The following ITIH5 variants were observed in gnomAD, a reference collection of about 807,000 sequenced individuals.
The protein encoded by ITIH5 is inter-alpha-trypsin inhibitor heavy chain H5.
Under a neutral mutation model 77.5 loss-of-function variants are expected in ITIH5, and 65 were observed. The observed-to-expected ratio is 0.84, with a 90% CI of 0.69 to 1.03. The LOEUF is 1.03. Ranked by LOEUF, ITIH5 falls within the 50% of genes least tolerant of loss-of-function variation. The pLI is 0.00. For missense variants in ITIH5, 1,208 were observed against 1,213.1 expected (o/e 1.00, Z 0.06); for synonymous variants, 525 against 494.3 (o/e 1.06, Z -0.82).
rs192510413 is a variant in ITIH5, at chr10:7,564,280, T to C, written c.2528-896A>G. On this transcript the variant is annotated intron_variant, in intron 13 of 13. Coordinates refer to ENST00000397146, the MANE Select transcript of ITIH5 (RefSeq NM_030569.7). Reference sequence around the variant, plus strand: ...AGCCCAGGAAGGAATCTAATTTTCATATTACATATGTAGTAATCTAATGTT... The same window carrying C: ...AGCCCAGGAAGGAATCTAATTTTCACATTACATATGTAGTAATCTAATGTT... Among the ~76,000 whole-genome samples, 33 of 152,380 alleles carry C rather than the reference T, an allele frequency of 2.2e-4. No individual in the cohort carries two copies. In the East Asian group the frequency reaches 6.2e-3, roughly 28 times the overall value.
At chr10:7,655,275 A>T (rs567497187) in intron 2 of ITIH5, among the ~76,000 whole-genome samples, 2 of 152,144 alleles carry the variant, frequency 1.3e-5, no homozygotes, top group Admixed American at 6.5e-5. Context: ...TAGTCTACAA[A>T]TGTCAATTCT....
chr10:7,573,280 C>G lies in ITIH5; in HGVS notation c.1979-85G>C, dbSNP rs140044380. ...TGCAAAGGGAGAGAGGAGACATGAG[C>G]AAAACACAGCTTTTAGGTACGTTTG... On this transcript the variant is annotated intron_variant, in intron 10 of 13. Transcript: ENST00000397146. 219 of 1,087,550 alleles carry G rather than the reference C, an allele frequency of 2.0e-4. 1 individual carries two copies. The African/African-American group carries it at 3.1e-3, about 16-fold the overall frequency. The allele number at this position is 1,087,550 out of a possible 1,614,324, so 67.4% of individuals were successfully genotyped here.
At chr10:7,592,395 G>A (rs1190950129) in intron 7 of ITIH5, among the ~76,000 whole-genome samples, 1 of 151,128 alleles carries the variant, frequency 6.6e-6, no homozygotes, top group African/African-American at 2.4e-5. Context: ...GTAAATATCT[G>A]CTGTATTATT....
intron 7 of ITIH5, among the ~76,000 whole-genome samples, chr10:7,586,402 T>C (rs1185405087): frequency 1.3e-5 from 2 of 152,180 alleles, no homozygotes; most frequent in Non-Finnish European, 2.9e-5. Context: ...GACAAGCCCC[T>C]CATCATTCTT....
At chr10:7,632,203 C>T (rs1352247280) in intron 5 of ITIH5, among the ~76,000 whole-genome samples, 3 of 152,164 alleles carry the variant, frequency 2.0e-5, no homozygotes, top group South Asian at 2.1e-4. Flanking sequence ...TCAACCTTTA[C>T]TGAGCATCTG....
intron 5 of ITIH5, among the ~76,000 whole-genome samples, chr10:7,634,204 G>A (rs112872501): frequency 2.6e-5 from 4 of 151,994 alleles, no homozygotes; most frequent in African/African-American, 7.3e-5. Flanking sequence ...ATCTATCAGC[G>A]GAATGTATTG....
intron 13 of ITIH5, 97 bp from the exon 14 acceptor site, chr10:7,563,481 C>G (rs1397492572): frequency 1.8e-6 from 2 of 1,116,106 alleles, no homozygotes; most frequent in Non-Finnish European, 2.6e-6. Context: ...AGGCTTACAA[C>G]TGGCCACAGC....
intron 5 of ITIH5, among the ~76,000 whole-genome samples, chr10:7,628,748 T>C (rs113967004): frequency 3.9e-5 from 5 of 127,340 alleles, no homozygotes; most frequent in African/African-American, 1.5e-4. Context: ...CGTGTGTCCA[T>C]GTTGCAGCGT....
intron 7 of ITIH5, among the ~76,000 whole-genome samples, chr10:7,590,886 A>C (rs1158784528): frequency 2.6e-5 from 4 of 152,118 alleles, no homozygotes; most frequent in Non-Finnish European, 5.9e-5. Context: ...CCTCAGCATA[A>C]AGTCTAATGT....
At chr10:7,580,611 T>G (rs1039420801) in intron 8 of ITIH5, among the ~76,000 whole-genome samples, 3 of 152,216 alleles carry the variant, frequency 2.0e-5, no homozygotes, top group African/African-American at 7.2e-5. Flanking sequence ...TACCTGAGCT[T>G]CAATGGCTTC....
At chr10:7,597,044 C>CAAAAAAAATAAAAAA (rs1832914654) in intron 7 of ITIH5, among the ~76,000 whole-genome samples, 1 of 36,920 alleles carries the variant, frequency 2.7e-5, no homozygotes, top group African/African-American at 6.5e-5. Context: ...GTCTCCAACT[C>CAAAAAAAATAAAAAA]AAAAAAAAAA....
At chr10:7,644,360 T>G (rs189165307) in intron 2 of ITIH5, among the ~76,000 whole-genome samples, 2 of 144,594 alleles carry the variant, frequency 1.4e-5, no homozygotes, top group Admixed American at 6.9e-5. Context: ...ATATATATCA[T>G]ATATATCACA....
chr10:7,604,186 G>A (rs1833076231), intron 7 of ITIH5, among the ~76,000 whole-genome samples: 3 of 152,176 alleles, frequency 2.0e-5, no homozygotes, highest in African/African-American at 7.2e-5. Context: ...TGGTTATAAG[G>A]GAAGTCTTCC....
At chr10:7,664,399 C>CAA (rs35992152) in intron 1 of ITIH5, among the ~76,000 whole-genome samples, 33,171 of 118,428 alleles carry the variant, frequency 0.28, 3,976 homozygotes, top group Middle Eastern at 0.31. Flanking sequence ...GATTCCGTCT[C>CAA]AAAAAAAAAA....
Position 7,666,898 on chromosome 10 carries a change from G to C in ITIH5, c.-6C>G. 1 of 1,587,036 alleles carries C rather than the reference G, an allele frequency of 6.3e-7. No individual in the cohort carries two copies. The highest frequency in any genetic ancestry group is 8.5e-7 in the Non-Finnish European group (1 of 1,169,596). On this transcript the variant is annotated 5_prime_UTR_variant, in exon 1 of 14. Transcript: ENST00000397146. ...AGCCCCAGCAGCAGGAGCATGGCGGGGCGAGGGCGCGGGACGCTCGGGGAC... is the reference window on the plus strand; with the variant it reads ...AGCCCCAGCAGCAGGAGCATGGCGGCGCGAGGGCGCGGGACGCTCGGGGAC...
In ITIH5 at chr10:7,577,603, C is replaced by G. The variant is rs542189515; in HGVS notation, c.1419-591G>C. On this transcript the variant is annotated intron_variant, in intron 9 of 13. Transcript: ENST00000397146. Reference sequence around the variant, plus strand: ...CATTCTACTTCAGAAACCTGACTTTCGTGAGTTTGTGCGTATAACATTTGC... The same window carrying G: ...CATTCTACTTCAGAAACCTGACTTTGGTGAGTTTGTGCGTATAACATTTGC... Among the ~76,000 whole-genome samples the G allele has an allele frequency of 2.6e-5, 4 of 152,340 alleles. No individual in the cohort carries two copies. The South Asian group carries it at 8.3e-4, about 32-fold the overall frequency.
intron 5 of ITIH5, among the ~76,000 whole-genome samples, chr10:7,630,970 G>A (rs1188617138): frequency 6.6e-6 from 1 of 151,254 alleles, no homozygotes; most frequent in African/African-American, 2.4e-5. Flanking sequence ...CTTCAGTTTT[G>A]ATAGAGATGA....
At chr10:7,565,986 ACT>A (rs1832146044) in intron 13 of ITIH5, 42 bp downstream of exon 13, 2 of 1,578,910 alleles carry the variant, frequency 1.3e-6, no homozygotes, top group South Asian at 1.2e-5. Flanking sequence ...GGGAAATGTA[ACT>A]CTGCCCTCTA....
chr10:7,565,813 TGTATA>T (rs1361272372), intron 13 of ITIH5, among the ~76,000 whole-genome samples: 1 of 149,428 alleles, frequency 6.7e-6, no homozygotes, highest in African/African-American at 2.4e-5. Context: ...TACATATATA[TGTATA>T]GTATATAATA....
Sources: allele counts gnomAD v4.1 joint callset (sites outside exome capture counted in the v4.1 genomes callset), GRCh38; gene constraint gnomAD v4.1.1; transcripts MANE v1.5; gene names NCBI Gene and HGNC (gene_info 2026-07-23, HGNC 2026-07-21).